RHOBTB3: variants seen among roughly 807,000 people sequenced by gnomAD.
The protein encoded by RHOBTB3 is rho-related BTB domain-containing protein 3.
A neutral mutation model predicts 67.2 loss-of-function variants in RHOBTB3; 47 were observed. The ratio of observed to expected loss-of-function variants is 0.70; its 90% CI spans 0.55 to 0.89. The LOEUF (loss-of-function observed/expected upper bound fraction) is 0.89, where lower values mean the gene tolerates loss of function less well. RHOBTB3 is among the 40% of genes least tolerant of loss of function. The pLI is 0.00. For synonymous variants in RHOBTB3, 273 were observed against 274.2 expected, an observed-to-expected ratio of 1.00 and a Z score of 0.04; for missense variants, 631 against 750.0, an observed-to-expected ratio of 0.84 and a Z score of 1.85.
intron 7 of RHOBTB3, among the ~76,000 whole-genome samples, chr5:95,765,568 C>A (rs1317686157): frequency 1.3e-5 from 2 of 152,252 alleles, no homozygotes; most frequent in African/African-American, 2.4e-5. Context: ...CACAAATCAT[C>A]TCTGTGGCTT....
At chr5:95,775,739 G>A (rs552794987) in intron 8 of RHOBTB3, among the ~76,000 whole-genome samples, 1 of 151,974 alleles carries the variant, frequency 6.6e-6, no homozygotes, top group Non-Finnish European at 1.5e-5. Context: ...ATAGCAATTG[G>A]AAGTGTGAAA....
At chr5:95,751,634 C>A (rs1745093232) in intron 4 of RHOBTB3, among the ~76,000 whole-genome samples, 1 of 151,948 alleles carries the variant, frequency 6.6e-6, no homozygotes, top group Non-Finnish European at 1.5e-5. Flanking sequence ...TTTCACTAAC[C>A]AGGTAATAAA....
intron 6 of RHOBTB3, among the ~76,000 whole-genome samples, chr5:95,758,021 G>A (rs1266113850): frequency 6.6e-6 from 1 of 152,182 alleles, no homozygotes; most frequent in Non-Finnish European, 1.5e-5. Context: ...TGTGACTTTT[G>A]TATGATAATT....
rs185396604 is a variant in RHOBTB3, at chr5:95,769,216, G to T, written c.1282+1050G>T. 89 of 338,998 alleles carry T rather than the reference G, an allele frequency of 2.6e-4. 1 individual carries two copies. The East Asian group carries it at 5.8e-3, about 22-fold the overall frequency. The allele number at this position is 338,998 out of a possible 1,614,324, so 21.0% of individuals were successfully genotyped here. ...CTAGGGAAGTCCCAGAGTAACAAAA[G>T]ATGGTGTGACTGTTACAAAGTCAAT... On this transcript the variant is annotated intron_variant, in intron 8 of 11. Coordinates refer to ENST00000379982, the MANE Select transcript of RHOBTB3 (RefSeq NM_014899.4).
chr5:95,731,156 G>C (rs1323247417), upstream of RHOBTB3: 1 of 1,016,696 alleles, frequency 9.8e-7, no homozygotes, highest in South Asian at 3.5e-5. Context: ...CGCGCGGGCG[G>C]CTCCTTTGTG....
chr5:95,725,136 T>C (rs1468927818), intron 1 of RHOBTB3, among the ~76,000 whole-genome samples: 3 of 152,172 alleles, frequency 2.0e-5, no homozygotes, highest in Non-Finnish European at 4.4e-5. Context: ...GGCAAAAACC[T>C]GGGAATAGCC....
At chr5:95,752,932 C>A (rs545310047) in intron 5 of RHOBTB3, among the ~76,000 whole-genome samples, 1 of 152,182 alleles carries the variant, frequency 6.6e-6, no homozygotes, top group Non-Finnish European at 1.5e-5. Context: ...GAGATCGAGA[C>A]CATCCTGGCT....
At chr5:95,770,740 G>A (rs1347080039) in intron 8 of RHOBTB3, 1 of 359,454 alleles carries the variant, frequency 2.8e-6, no homozygotes. Flanking sequence ...ATTAATGAAC[G>A]GTGATAGGAA....
intron 1 of RHOBTB3, chr5:95,717,866 C>T (rs1165874276): frequency 1.3e-5 from 2 of 152,158 alleles, no homozygotes; most frequent in African/African-American, 2.4e-5. Context: ...TTTCCTTGAT[C>T]TAAATGACAG....
intron 8 of RHOBTB3, among the ~76,000 whole-genome samples, chr5:95,768,674 A>AT (rs1296447916): frequency 1.3e-5 from 2 of 152,192 alleles, no homozygotes; most frequent in African/African-American, 4.8e-5. Context: ...ATATTGCTAC[A>AT]TTTATTCCTC....
chr5:95,722,498 GT>G lies in RHOBTB3; in HGVS notation n.133+4743del, dbSNP rs35247576. ...GGTGGTATTTTATAATGTAAAAGAG[GT>G]TTTTTTTTTGAGATGGAGTCTCGCT... On this transcript the variant is annotated intron_variant and non_coding_transcript_variant, in intron 1 of 5. Transcript: ENST00000504949. 5.3e-3 allele frequency among the ~76,000 whole-genome samples: 797 copies of G among 149,164 alleles called. 6 individuals carry two copies. Among genetic ancestry groups the G allele is most frequent in the South Asian group, 5.4e-3 (25 of 4,668 alleles).
chr5:95,743,096 TAAAA>T (rs898481028), intron 3 of RHOBTB3, among the ~76,000 whole-genome samples: 1 of 151,868 alleles, frequency 6.6e-6, no homozygotes, highest in Non-Finnish European at 1.5e-5. Flanking sequence ...AAAAAATAAA[TAAAA>T]AAAACTCTCA....
At chr5:95,726,956 G>A (rs188706913), upstream of RHOBTB3, among the ~76,000 whole-genome samples, 103 of 151,156 alleles carry the variant, frequency 6.8e-4, no homozygotes, top group African/African-American at 2.3e-3. Context: ...GCTTAATTTC[G>A]TTTCCCCCCT....
chr5:95,783,279 ACCTGGCTAATTTTTTT>A (rs1746115059), intron 9 of RHOBTB3, among the ~76,000 whole-genome samples: 1 of 149,706 alleles, frequency 6.7e-6, no homozygotes, highest in South Asian at 2.1e-4. Flanking sequence ...CCGCCACCAC[ACCTGGCTAATTTTTTT>A]TTATTTTTAG....
intron 1 of RHOBTB3, among the ~76,000 whole-genome samples, chr5:95,721,655 G>C (rs1458114968): frequency 6.7e-6 from 1 of 148,412 alleles, no homozygotes; most frequent in Non-Finnish European, 1.5e-5. Context: ...AATATTTAAG[G>C]AGCTCTAAAG....
At chr5:95,783,381 C>G (rs1206322381) in intron 9 of RHOBTB3, among the ~76,000 whole-genome samples, 29 of 151,270 alleles carry the variant, frequency 1.9e-4, no homozygotes. Flanking sequence ...CTCGGCCTCC[C>G]CAAGTGCTGG....
In RHOBTB3 at chr5:95,762,882, G is replaced by T. The variant is rs182601975; in HGVS notation, c.1049-626G>T. On this transcript the variant is annotated intron_variant, in intron 6 of 11. Coordinates refer to ENST00000379982, the MANE Select transcript of RHOBTB3 (RefSeq NM_014899.4). ...TAGAGGAAAAGAGGCTGACAGAGTG[G>T]GAGAAGTGAAATGAGCCTAGGAAGA... 3.3e-5 allele frequency among the ~76,000 whole-genome samples: 5 copies of T among 152,254 alleles called. No individual in the cohort carries two copies. The East Asian group carries it at 9.7e-4, about 29-fold the overall frequency.
intron 10 of RHOBTB3, among the ~76,000 whole-genome samples, chr5:95,786,378 A>T (rs1177026215): frequency 6.6e-6 from 1 of 152,226 alleles, no homozygotes; most frequent in African/African-American, 2.4e-5. Flanking sequence ...GTCAGGAAAC[A>T]TCATTCATAC....
At chr5:95,784,243 A>G (rs1057214999) in intron 10 of RHOBTB3, among the ~76,000 whole-genome samples, 1 of 152,226 alleles carries the variant, frequency 6.6e-6, no homozygotes, top group Admixed American at 6.5e-5. Context: ...ATGTGGTGCT[A>G]TACTATGTCA....
Sources: gnomAD v4.1 joint callset for allele counts (sites outside exome capture counted in the v4.1 genomes callset) on GRCh38, gnomAD v4.1.1 for gene constraint, MANE v1.5 for transcripts, NCBI Gene and HGNC (gene_info 2026-07-23, HGNC 2026-07-21) for gene names.